Variants in FOCAD observed in about 807,000 individuals in gnomAD.
The protein encoded by FOCAD is KIAA1797.
In FOCAD, 198 loss-of-function variants were observed where a neutral mutation model predicts 225.6. That is an observed-to-expected ratio of 0.88 (90% CI 0.78 to 0.99). The LOEUF (loss-of-function observed/expected upper bound fraction) is 0.99, where lower values mean the gene tolerates loss of function less well. FOCAD is among the 50% of genes least tolerant of loss of function. The pLI, the probability that FOCAD is intolerant of heterozygous loss-of-function variation, is 0.00. For missense variants in FOCAD, 2,713 were observed against 2,123.6 expected, an observed-to-expected ratio of 1.28 and a Z score of -5.46; for synonymous variants, 897 against 755.0, an observed-to-expected ratio of 1.19 and a Z score of -3.08.
At chr9:20,777,079 CT>C (rs1415235917) in intron 8 of FOCAD, among the ~76,000 whole-genome samples, 4 of 151,432 alleles carry the variant, frequency 2.6e-5, no homozygotes, top group South Asian at 2.1e-4. Flanking sequence ...GAATTTTTTT[CT>C]TTTGTTGTTT....
intron 4 of FOCAD, among the ~76,000 whole-genome samples, chr9:20,724,762 T>C (rs542183503): frequency 1.3e-5 from 2 of 151,646 alleles, no homozygotes; most frequent in African/African-American, 4.8e-5. Flanking sequence ...AAAATGAGAA[T>C]CCATTTTAAG....
intron 5 of FOCAD, among the ~76,000 whole-genome samples, chr9:20,757,694 G>A (rs192095690): frequency 6.6e-6 from 1 of 152,302 alleles, no homozygotes; most frequent in East Asian, 1.9e-4. Flanking sequence ...GAACTTACCA[G>A]GCTTGGAAAG....
intron 1 of FOCAD, among the ~76,000 whole-genome samples, chr9:20,714,300 T>C (rs1205730150): frequency 1.3e-5 from 2 of 152,186 alleles, no homozygotes; most frequent in Admixed American, 1.3e-4. Flanking sequence ...TATTTTCAGA[T>C]TAGGGTTGCT....
chr9:20,665,857 C>T (rs1181437308), intron 2 of FOCAD, among the ~76,000 whole-genome samples: 6 of 151,766 alleles, frequency 4.0e-5, no homozygotes, highest in Non-Finnish European at 8.8e-5. Flanking sequence ...ATGGTGAAAC[C>T]CTGTCTCTAC....
Position 20,770,195 on chromosome 9 carries a change from C to G in FOCAD, c.863C>G (p.Ser288Cys), listed in dbSNP as rs1818054975. The G allele has an allele frequency of 1.2e-6, 2 of 1,614,034 alleles. No homozygotes were observed. Among genetic ancestry groups the G allele is most frequent in the Non-Finnish European group, 1.7e-6 (2 of 1,179,998 alleles). Residue 288 changes from serine to cysteine, a missense_variant, in exon 8 of 44, where the codon TCT becomes TGT. Ser to Cys is a moderately radical substitution (Grantham distance 112, BLOSUM62 -1). Coordinates refer to ENST00000338382, the MANE Select transcript of FOCAD (RefSeq NM_001375567.1). ...TTAAAGATAACTGGTGAATGTTCATCTTCAATTCACCTTTTAGAGCACAGT... is the reference window on the plus strand; with the variant it reads ...TTAAAGATAACTGGTGAATGTTCATGTTCAATTCACCTTTTAGAGCACAGT... ...VSLKITGECS[S>C]SIHLLEHSVE...
intron 11 of FOCAD, among the ~76,000 whole-genome samples, chr9:20,805,229 T>A (rs1380946224): frequency 6.6e-6 from 1 of 152,234 alleles, no homozygotes; most frequent in African/African-American, 2.4e-5. Flanking sequence ...ATATTTTTAG[T>A]TCTGCATGGC....
At chr9:20,846,875 C>A (rs539832072) in intron 15 of FOCAD, among the ~76,000 whole-genome samples, 1 of 152,158 alleles carries the variant, frequency 6.6e-6, no homozygotes, top group East Asian at 1.9e-4. Context: ...TGTGCCAAGT[C>A]TTTTTATAAA....
At position 20,675,300 on chromosome 9, in the gene FOCAD, T is replaced by G. The variant is rs373131734; in HGVS notation, c.-78+16474T>G. ...ATGTTTTCAAGCTAAGAATAGTTTTTACATAAAAATATATACCAGAGCATA... is the reference window on the plus strand; with the variant it reads ...ATGTTTTCAAGCTAAGAATAGTTTTGACATAAAAATATATACCAGAGCATA... On this transcript the variant is annotated intron_variant, in intron 2 of 45. Coordinates refer to the FOCAD transcript ENST00000380249. Among the ~76,000 whole-genome samples, 30 of 152,314 alleles carry G rather than the reference T, an allele frequency of 2.0e-4. 1 individual carries two copies. Among genetic ancestry groups the G allele is most frequent in the African/African-American group, 7.0e-4 (29 of 41,566 alleles).
At chr9:20,851,993 G>C (rs1045409483) in intron 15 of FOCAD, among the ~76,000 whole-genome samples, 3 of 151,802 alleles carry the variant, frequency 2.0e-5, no homozygotes, top group African/African-American at 7.2e-5. Context: ...TCTGGCCCTT[G>C]ACAGAAAATG....
intron 34 of FOCAD, 62 bp from the exon 35 acceptor site, chr9:20,952,923 A>G: frequency 7.7e-7 from 1 of 1,305,324 alleles, no homozygotes; most frequent in Non-Finnish European, 1.1e-6. Flanking sequence ...TGAGATCATT[A>G]TCTTTCCTTC....
intron 2 of FOCAD, among the ~76,000 whole-genome samples, chr9:20,671,765 G>C (rs1468633788): frequency 1.3e-5 from 2 of 152,182 alleles, no homozygotes; most frequent in African/African-American, 2.4e-5. Flanking sequence ...AGTCACCTTT[G>C]AAGATGTGAT....
At chr9:20,973,406 ACT>A (rs1278504814) in intron 35 of FOCAD, among the ~76,000 whole-genome samples, 3 of 94,362 alleles carry the variant, frequency 3.2e-5, no homozygotes, top group Non-Finnish European at 6.2e-5. Flanking sequence ...TTTTCTGCTG[ACT>A]CTTGCTTCCC....
intron 11 of FOCAD, among the ~76,000 whole-genome samples, chr9:20,810,695 C>G (rs1822966887): frequency 6.6e-6 from 1 of 151,904 alleles, no homozygotes; most frequent in South Asian, 2.1e-4. Context: ...TTTTCTTATA[C>G]TGTTTTCTAA....
At chr9:20,872,014 G>T (rs1829823823) in intron 18 of FOCAD, among the ~76,000 whole-genome samples, 1 of 151,766 alleles carries the variant, frequency 6.6e-6, no homozygotes, top group African/African-American at 2.4e-5. Flanking sequence ...ATTTGTCCAG[G>T]AGAATCAGCT....
chr9:20,926,707 C>T (rs533704110), intron 26 of FOCAD, among the ~76,000 whole-genome samples: 73 of 150,936 alleles, frequency 4.8e-4, no homozygotes, highest in African/African-American at 1.7e-3. Context: ...CACTTTAACC[C>T]GGGAGGCAGA....
chr9:20,893,793 A>G (rs1332030026), intron 21 of FOCAD, among the ~76,000 whole-genome samples: 1 of 152,090 alleles, frequency 6.6e-6, no homozygotes, highest in Non-Finnish European at 1.5e-5. Flanking sequence ...CTCTGCCCTC[A>G]TGCCTACCTC....
intron 4 of FOCAD, among the ~76,000 whole-genome samples, chr9:20,735,150 C>T (rs2131628101): frequency 6.6e-6 from 1 of 152,194 alleles, no homozygotes; most frequent in Admixed American, 6.5e-5. Flanking sequence ...GCTCAGTTTG[C>T]TATTTTATGA....
intron 2 of FOCAD, among the ~76,000 whole-genome samples, chr9:20,678,058 T>A (rs1355425502): frequency 6.6e-6 from 1 of 152,124 alleles, no homozygotes; most frequent in Admixed American, 6.6e-5. Context: ...TAAAAACATA[T>A]CAGGAAGAAC....
At chr9:20,801,467 C>T (rs1398340529) in intron 11 of FOCAD, among the ~76,000 whole-genome samples, 1 of 152,108 alleles carries the variant, frequency 6.6e-6, no homozygotes. Context: ...CAGGCGTGAG[C>T]CACTGCGCCC....
Sources: allele counts gnomAD v4.1 joint callset (sites outside exome capture counted in the v4.1 genomes callset), GRCh38; gene constraint gnomAD v4.1.1; transcripts MANE v1.5; gene names NCBI Gene and HGNC (gene_info 2026-07-23, HGNC 2026-07-21).